The following NELL2 variants were observed in gnomAD, a reference collection of about 807,000 sequenced individuals.
NELL2 encodes neural EGFL like 2, also known as protein kinase C-binding protein NELL2.
NELL2 carries 41 observed loss-of-function variants against 109.6 expected under a neutral mutation model. The observed-to-expected ratio is 0.37, with a 90% CI of 0.29 to 0.49. The LOEUF (loss-of-function observed/expected upper bound fraction) is 0.49, where lower values mean the gene tolerates loss of function less well. Among genes scored for constraint, NELL2 ranks in the 20% least tolerant of loss-of-function variants. The probability of loss-of-function intolerance (pLI) is 0.98; values close to 1 mark genes in which losing one functional copy is unlikely to be tolerated. For synonymous variants in NELL2, 355 were observed against 344.7 expected (o/e 1.03, Z -0.33); for missense variants, 900 against 1,008.3 (o/e 0.89, Z 1.45).
At chr12:44,558,896 A>G (rs1378581511) in intron 15 of NELL2, among the ~76,000 whole-genome samples, 1 of 152,132 alleles carries the variant, frequency 6.6e-6, no homozygotes, top group Non-Finnish European at 1.5e-5. Flanking sequence ...TCCCACTCCC[A>G]TGGAGCCCAG....
At chr12:44,868,028 G>A (rs1421710533) in intron 2 of NELL2, among the ~76,000 whole-genome samples, 9 of 149,588 alleles carry the variant, frequency 6.0e-5, no homozygotes, top group Non-Finnish European at 1.2e-4. Flanking sequence ...GCTGATGCAG[G>A]AGAATAATTT....
intron 9 of NELL2, among the ~76,000 whole-genome samples, chr12:44,741,408 C>T (rs1380709862): frequency 6.6e-6 from 1 of 152,154 alleles, no homozygotes; most frequent in Non-Finnish European, 1.5e-5. Context: ...TCTGCATTTC[C>T]AACTGAAGTA....
At chr12:44,644,598 A>ATGTATGTG (rs1555190849) in intron 13 of NELL2, among the ~76,000 whole-genome samples, 6 of 99,478 alleles carry the variant, frequency 6.0e-5, no homozygotes, top group South Asian at 3.0e-4. Context: ...ATATATATAT[A>ATGTATGTG]TATATGTATG....
At chr12:44,565,548 C>T (rs1373287272) in intron 15 of NELL2, among the ~76,000 whole-genome samples, 1 of 152,074 alleles carries the variant, frequency 6.6e-6, no homozygotes, top group Non-Finnish European at 1.5e-5. Context: ...AGAGGGAGAG[C>T]ACTTTTAGAT....
intron 15 of NELL2, among the ~76,000 whole-genome samples, chr12:44,550,045 C>G (rs1193785837): frequency 6.6e-6 from 1 of 152,068 alleles, no homozygotes; most frequent in Admixed American, 6.6e-5. Context: ...GAAACAGACA[C>G]ACAGACCAAG....
chr12:44,707,265 A>G (rs1937937470), intron 11 of NELL2, among the ~76,000 whole-genome samples: 1 of 152,178 alleles, frequency 6.6e-6, no homozygotes, highest in Non-Finnish European at 1.5e-5. Context: ...GCTAATGAAG[A>G]CCACTGAAAC....
intron 3 of NELL2, among the ~76,000 whole-genome samples, chr12:44,794,748 C>T (rs774754434): frequency 4.6e-5 from 7 of 152,104 alleles, no homozygotes; most frequent in Non-Finnish European, 8.8e-5. Context: ...ATTTTAAACA[C>T]AATTGTTTGA....
At chr12:44,810,340 T>C (rs1249214591) in intron 3 of NELL2, among the ~76,000 whole-genome samples, 1 of 152,006 alleles carries the variant, frequency 6.6e-6, no homozygotes, top group East Asian at 1.9e-4. Context: ...CAAATTCACC[T>C]GAGAAAAGGA....
intron 2 of NELL2, among the ~76,000 whole-genome samples, chr12:44,857,777 A>G (rs550366265): frequency 2.3e-4 from 35 of 152,336 alleles, no homozygotes; most frequent in African/African-American, 8.2e-4. Context: ...CATTGGCACA[A>G]CAAGGCAGAT....
chr12:44,773,272 G>A (rs547044427), intron 9 of NELL2, among the ~76,000 whole-genome samples: 1 of 152,168 alleles, frequency 6.6e-6, no homozygotes, highest in African/African-American at 2.4e-5. Context: ...TCAGGAGATC[G>A]AGACCATCCT....
chr12:44,847,120 G>T (rs1944394951), intron 2 of NELL2, among the ~76,000 whole-genome samples: 1 of 152,124 alleles, frequency 6.6e-6, no homozygotes, highest in African/African-American at 2.4e-5. Context: ...AGGCTGACAG[G>T]CCAGGACAGA....
rs143016875 is a variant in NELL2, at chr12:44,889,812, C to T, written c.39-13912G>A. Among the ~76,000 whole-genome samples the T allele has an allele frequency of 6.2e-4, 95 of 152,276 alleles. 1 individual carries two copies. Among genetic ancestry groups the T allele is most frequent in the Admixed American group, 4.1e-3 (63 of 15,290 alleles). ...ATAATTCTCTTTTTCTAAGGCTATA[C>T]GTAGTCCACACCTTAAAGAAAATTT... is the stretch of plus-strand genomic sequence containing the variant. On this transcript the variant is annotated intron_variant, in intron 1 of 20. Transcript: ENST00000333837.
intron 12 of NELL2, among the ~76,000 whole-genome samples, chr12:44,674,430 G>A (rs1948241622): frequency 6.6e-6 from 1 of 152,064 alleles, no homozygotes; most frequent in Admixed American, 6.6e-5. Context: ...AGGGCTTCAG[G>A]TGGATTTTGA....
rs142905916 is a variant in NELL2 at position 44,898,676 on chromosome 12, C to T, written c.38+15123G>A. On this transcript the variant is annotated intron_variant, in intron 1 of 20. Transcript: ENST00000333837. ...AACCAGGCACAAAAAGTTGAAAATT[C>T]CAAAAACCAGAAGGCCTCTTCTTCT... is the stretch of plus-strand genomic sequence containing the variant. Among the ~76,000 whole-genome samples, 178 of 152,274 alleles carry T rather than the reference C, an allele frequency of 1.2e-3. 2 individuals carry two copies. In the East Asian group the frequency reaches 0.028, roughly 24 times the overall value.
At chr12:44,586,351 CAT>C (rs531706411) in intron 15 of NELL2, among the ~76,000 whole-genome samples, 108 of 150,592 alleles carry the variant, frequency 7.2e-4, no homozygotes, top group African/African-American at 2.5e-3. Flanking sequence ...GTATGTCATA[CAT>C]ATGTCATAAA....
chr12:44,745,634 A>G (rs922206774), intron 9 of NELL2, among the ~76,000 whole-genome samples: 1 of 152,018 alleles, frequency 6.6e-6, no homozygotes, highest in Non-Finnish European at 1.5e-5. Flanking sequence ...TACAAAAATC[A>G]CAAGCATTCT....
intron 12 of NELL2, among the ~76,000 whole-genome samples, chr12:44,682,847 T>C (rs978020177): frequency 2.6e-5 from 4 of 152,200 alleles, no homozygotes; most frequent in African/African-American, 9.7e-5. Context: ...GGAAGTCAGG[T>C]AGTGTGATGC....
At chr12:44,786,901 G>C (rs1942197843) in intron 3 of NELL2, among the ~76,000 whole-genome samples, 1 of 152,052 alleles carries the variant, frequency 6.6e-6, no homozygotes, top group Admixed American at 6.6e-5. Flanking sequence ...ATGAGGGAGA[G>C]CATTAGGACA....
chr12:44,896,911 A>G (rs1312665085), intron 1 of NELL2, among the ~76,000 whole-genome samples: 2 of 152,204 alleles, frequency 1.3e-5, no homozygotes, highest in Non-Finnish European at 2.9e-5. Context: ...AGCTACAGGG[A>G]TTCTGGACTT....
Sources: gnomAD v4.1 joint callset for allele counts (sites outside exome capture counted in the v4.1 genomes callset) on GRCh38, gnomAD v4.1.1 for gene constraint, MANE v1.5 for transcripts, NCBI Gene and HGNC (gene_info 2026-07-23, HGNC 2026-07-21) for gene names.